Variants in CADM1 observed in about 807,000 individuals in gnomAD.
CADM1 encodes cell adhesion molecule 1.
Under a neutral mutation model 53.1 loss-of-function variants are expected in CADM1, and 15 were observed. The observed-to-expected ratio is 0.28, with a 90% CI of 0.19 to 0.44. CADM1 has a LOEUF of 0.44. Ranked by LOEUF, CADM1 falls within the 20% of genes least tolerant of loss-of-function variation. The pLI is 1.00. For synonymous variants in CADM1, 281 were observed against 243.0 expected (o/e 1.16, Z -1.45); for missense variants, 434 against 611.3 (o/e 0.71, Z 3.06).
At chr11:115,235,767 C>T (rs1941988835) in intron 3 of CADM1, among the ~76,000 whole-genome samples, 1 of 152,136 alleles carries the variant, frequency 6.6e-6, no homozygotes, top group African/African-American at 2.4e-5. Flanking sequence ...AGAACGAACA[C>T]TAATCTTAGA....
chr11:115,233,416 G>C (rs1019281160), intron 3 of CADM1, among the ~76,000 whole-genome samples: 5 of 152,190 alleles, frequency 3.3e-5, no homozygotes, highest in Admixed American at 2.0e-4. Context: ...TCAACTAGCT[G>C]TATCTTTCAC....
In CADM1 at chr11:115,218,008, C is replaced by A. The variant is rs1941259418; in HGVS notation, c.722-17G>T. 3.2e-6 allele frequency: 5 copies of A among 1,572,674 alleles called. No individual in the cohort carries two copies. The highest frequency in any genetic ancestry group is 4.4e-6 in the Non-Finnish European group (5 of 1,142,534). On this transcript the variant is annotated splice_polypyrimidine_tract_variant and intron_variant, in intron 5 of 11. Transcript: ENST00000331581. The stretch of plus-strand genomic sequence containing the variant: ...GAGGCTTATCTGTGTGACAAAAACA[C>A]AAAGTATAATGTTTAGCAAATGATA...
At chr11:115,217,228 T>C (rs1000474149) in intron 6 of CADM1, among the ~76,000 whole-genome samples, 59 of 152,214 alleles carry the variant, frequency 3.9e-4, no homozygotes, top group African/African-American at 1.4e-3. Context: ...TGATGATATA[T>C]GTAGTTCCTC....
At chr11:115,476,730 C>T (rs910100902) in intron 1 of CADM1, among the ~76,000 whole-genome samples, 4 of 152,120 alleles carry the variant, frequency 2.6e-5, no homozygotes, top group Non-Finnish European at 5.9e-5. Flanking sequence ...AAAAACTCTC[C>T]TGGAAGAACG....
At chr11:115,183,224 G>C (rs1939394959) in intron 10 of CADM1, among the ~76,000 whole-genome samples, 1 of 152,146 alleles carries the variant, frequency 6.6e-6, no homozygotes. Flanking sequence ...TTCTCTACTT[G>C]TTTTCATTCC....
chr11:115,282,598 C>T (rs11215462), intron 1 of CADM1, among the ~76,000 whole-genome samples: 1,807 of 152,244 alleles, frequency 0.012, 44 homozygotes, highest in African/African-American at 0.04. Context: ...AAAGTGTTGG[C>T]AATTTGCTCT....
At chr11:115,253,933 G>A (rs1237809092) in intron 1 of CADM1, among the ~76,000 whole-genome samples, 1 of 152,184 alleles carries the variant, frequency 6.6e-6, no homozygotes, top group Non-Finnish European at 1.5e-5. Context: ...AGCTCTGCCA[G>A]TTATTAGGCA....
At chr11:115,323,184 T>C (rs1944867960) in intron 1 of CADM1, among the ~76,000 whole-genome samples, 1 of 152,214 alleles carries the variant, frequency 6.6e-6, no homozygotes. Flanking sequence ...CTCTAGTGAC[T>C]AATGGCATTG....
intron 8 of CADM1, among the ~76,000 whole-genome samples, chr11:115,201,200 C>A (rs1165524171): frequency 3.9e-5 from 6 of 152,086 alleles, no homozygotes; most frequent in Admixed American, 2.6e-4. Context: ...GGAGCAGCAA[C>A]GGGGTAGGAG....
intron 1 of CADM1, among the ~76,000 whole-genome samples, chr11:115,436,434 G>A (rs1216763787): frequency 6.6e-6 from 1 of 152,050 alleles, no homozygotes; most frequent in African/African-American, 2.4e-5. Context: ...CTAATTTACT[G>A]GATTTTGTTT....
intron 1 of CADM1, among the ~76,000 whole-genome samples, chr11:115,307,697 T>G (rs1944414874): frequency 6.6e-6 from 1 of 151,828 alleles, no homozygotes. Flanking sequence ...TTTAAAACTT[T>G]GAAGAAAAAT....
At chr11:115,278,006 C>A (rs1943489197) in intron 1 of CADM1, among the ~76,000 whole-genome samples, 1 of 152,116 alleles carries the variant, frequency 6.6e-6, no homozygotes, top group South Asian at 2.1e-4. Context: ...CTCTACCTAT[C>A]CTGTAATTCC....
At chr11:115,439,111 C>T (rs993761529) in intron 1 of CADM1, among the ~76,000 whole-genome samples, 5 of 152,206 alleles carry the variant, frequency 3.3e-5, no homozygotes, top group Non-Finnish European at 7.3e-5. Context: ...ACTTTTGAAA[C>T]ATGCGATCTG....
In CADM1 at chr11:115,232,670, G is replaced by T. The variant is rs183278577; in HGVS notation, c.425-1180C>A. On this transcript the variant is annotated intron_variant, in intron 3 of 11. Coordinates refer to ENST00000331581, the MANE Select transcript of CADM1 (RefSeq NM_001301043.2). ...TAGTGATAGTGATGGTGACAATGAT[G>T]ATGATGATAAAATATGTTATCTTTT... is the stretch of plus-strand genomic sequence containing the variant. Among the ~76,000 whole-genome samples, 646 of 152,152 alleles carry T rather than the reference G, an allele frequency of 4.2e-3. 6 individuals carry two copies. Among genetic ancestry groups the T allele is most frequent in the African/African-American group, 0.015 (611 of 41,442 alleles).
intron 1 of CADM1, among the ~76,000 whole-genome samples, chr11:115,339,390 C>A (rs1043990179): frequency 6.6e-6 from 1 of 152,044 alleles, no homozygotes; most frequent in East Asian, 1.9e-4. Context: ...AAATGTCCAA[C>A]AATGATAGAC....
chr11:115,190,730 G>T, intron 10 of CADM1, 158 bp downstream of exon 10: 1 of 581,368 alleles, frequency 1.7e-6, no homozygotes, highest in Non-Finnish European at 3.1e-6. Flanking sequence ...CAGGTGAGTG[G>T]GTGACCGGGG....
intron 1 of CADM1, among the ~76,000 whole-genome samples, chr11:115,352,645 G>T (rs1214119975): frequency 6.6e-6 from 1 of 152,188 alleles, no homozygotes; most frequent in Non-Finnish European, 1.5e-5. Context: ...GACTTAGGAA[G>T]AAGAAGAGGA....
chr11:115,490,392 A>ATTTTTTTTTTTT (rs35633504), intron 1 of CADM1, among the ~76,000 whole-genome samples: 2 of 109,330 alleles, frequency 1.8e-5, no homozygotes, highest in African/African-American at 3.7e-5. Context: ...GGAAGAACAG[A>ATTTTTTTTTTTT]TTTTTTTTTT....
At chr11:115,486,644 C>T (rs573259097) in intron 1 of CADM1, among the ~76,000 whole-genome samples, 3 of 152,202 alleles carry the variant, frequency 2.0e-5, no homozygotes, top group Admixed American at 6.5e-5. Flanking sequence ...AGTACCTGGC[C>T]TTGAATTTCA....
Sources: gnomAD v4.1 joint callset for allele counts (sites outside exome capture counted in the v4.1 genomes callset) on GRCh38, gnomAD v4.1.1 for gene constraint, MANE v1.5 for transcripts, NCBI Gene and HGNC (gene_info 2026-07-23, HGNC 2026-07-21) for gene names.